The following TESMIN variants were observed in gnomAD, a reference collection of about 807,000 sequenced individuals.
TESMIN encodes the protein testis expressed metallothionein like protein.
TESMIN carries 34 observed loss-of-function variants against 47.4 expected under a neutral mutation model. That is an observed-to-expected ratio of 0.72 (90% CI 0.55 to 0.96). The LOEUF (loss-of-function observed/expected upper bound fraction) is 0.96, where lower values mean the gene tolerates loss of function less well. Among genes scored for constraint, TESMIN ranks in the 40% least tolerant of loss-of-function variants. The probability of loss-of-function intolerance (pLI) is 0.00; values close to 1 mark genes in which losing one functional copy is unlikely to be tolerated. For missense variants in TESMIN, 610 were observed against 637.2 expected, an observed-to-expected ratio of 0.96 and a Z score of 0.46; for synonymous variants, 278 against 258.9, an observed-to-expected ratio of 1.07 and a Z score of -0.71.
At chr11:68,730,031 CACG>C (rs1946308881) in intron 6 of TESMIN, among the ~76,000 whole-genome samples, 1 of 152,194 alleles carries the variant, frequency 6.6e-6, no homozygotes, top group African/African-American at 2.4e-5. Flanking sequence ...AGTCAATAGC[CACG>C]ACATTAAGGC....
At chr11:68,714,502 A>G (rs978316775) in intron 7 of TESMIN, among the ~76,000 whole-genome samples, 1 of 152,194 alleles carries the variant, frequency 6.6e-6, no homozygotes, top group Non-Finnish European at 1.5e-5. Context: ...AGAGGGCTTT[A>G]GGTTTGCCTA....
At chr11:68,709,172 C>T (rs963175649) in intron 9 of TESMIN, among the ~76,000 whole-genome samples, 6 of 152,028 alleles carry the variant, frequency 3.9e-5, no homozygotes, top group Non-Finnish European at 5.9e-5. Context: ...CCTCTCATGG[C>T]GGGTTTGAAA....
chr11:68,728,414 C>G (rs1200802379), intron 6 of TESMIN, among the ~76,000 whole-genome samples: 1 of 152,176 alleles, frequency 6.6e-6, no homozygotes, highest in Non-Finnish European at 1.5e-5. Context: ...AAATTGGAAG[C>G]TAGCAGAGGC....
intron 6 of TESMIN, chr11:68,737,041 A>G: frequency 2.0e-6 from 2 of 985,438 alleles, no homozygotes; most frequent in Non-Finnish European, 2.4e-6. Context: ...CAGAGGCAAT[A>G]CTATTGACCA....
chr11:68,737,950 A>AAAAC (rs969537101), intron 6 of TESMIN: 117 of 983,798 alleles, frequency 1.2e-4, no homozygotes, highest in Admixed American at 4.3e-4. Flanking sequence ...AAAACAAGAA[A>AAAAC]AAACAAACAA....
At chr11:68,706,225 C>T (rs374466097), downstream of TESMIN, among the ~76,000 whole-genome samples, 2 of 152,316 alleles carry the variant, frequency 1.3e-5, no homozygotes, top group East Asian at 1.9e-4. Context: ...GTCTGTATCT[C>T]GGCTTTCACT....
At chr11:68,710,711 C>T in intron 9 of TESMIN, 163 bp downstream of exon 9, 1 of 622,892 alleles carries the variant, frequency 1.6e-6, no homozygotes, top group Non-Finnish European at 2.6e-6. Context: ...CAGTGGCCAC[C>T]CAGGATTAGC....
intron 6 of TESMIN, among the ~76,000 whole-genome samples, chr11:68,735,136 A>G (rs1303113959): frequency 2.2e-4 from 33 of 152,192 alleles, no homozygotes. Flanking sequence ...TAGAGACAGA[A>G]CAGTTACAGC....
At chr11:68,742,253 A>C in intron 5 of TESMIN, 65 bp downstream of exon 5, 1 of 985,432 alleles carries the variant, frequency 1.0e-6, no homozygotes, top group Non-Finnish European at 1.5e-6. Context: ...TTCCAACCAT[A>C]ACAATCAAAA....
At chr11:68,723,713 T>A (rs1199428567) in intron 6 of TESMIN, among the ~76,000 whole-genome samples, 7 of 152,078 alleles carry the variant, frequency 4.6e-5, no homozygotes, top group Admixed American at 4.6e-4. Context: ...TAATTATAGA[T>A]ACAGAGGTCA....
At chr11:68,716,156 C>A (rs1440667221) in intron 6 of TESMIN, among the ~76,000 whole-genome samples, 1 of 152,208 alleles carries the variant, frequency 6.6e-6, no homozygotes, top group Non-Finnish European at 1.5e-5. Flanking sequence ...TAGTTAAAAC[C>A]ATTTGTTTCA....
intron 6 of TESMIN, among the ~76,000 whole-genome samples, chr11:68,729,663 G>A (rs1322408586): frequency 6.6e-6 from 1 of 152,124 alleles, no homozygotes; most frequent in Non-Finnish European, 1.5e-5. Flanking sequence ...TGACTGAATT[G>A]TTTCATTACC....
rs978345356 is a variant in TESMIN, at chr11:68,707,859, A to G, written c.*449T>C. 6 of 456,790 alleles carry G rather than the reference A, an allele frequency of 1.3e-5. No individual in the cohort carries two copies. Among genetic ancestry groups the G allele is most frequent in the Admixed American group, 2.3e-5 (1 of 42,570 alleles). 28.3% of individuals were successfully genotyped at this position (456,790 alleles called of 1,614,324 possible). A position where few individuals can be genotyped will look rare whatever the true frequency, so the allele number is the denominator to read the frequency against. ...GCCCATCCGGAGAACTTATTTCTAA[A>G]TAATTTGAAAAACAAACAAGAAACC... On this transcript the variant is annotated 3_prime_UTR_variant, in exon 10 of 10. Transcript: ENST00000255087.
chr11:68,737,061 A>G, intron 6 of TESMIN: 1 of 985,478 alleles, frequency 1.0e-6, no homozygotes, highest in Non-Finnish European at 1.2e-6. Flanking sequence ...AGATGCCCCC[A>G]GATTACAAGA....
chr11:68,738,440 A>C, intron 6 of TESMIN: 1 of 1,237,604 alleles, frequency 8.1e-7, no homozygotes, highest in South Asian at 1.9e-5. Context: ...CCTCAGAAAC[A>C]CCAACATAGG....
chr11:68,743,217 G>A (rs1391195491), intron 4 of TESMIN, among the ~76,000 whole-genome samples: 26 of 150,192 alleles, frequency 1.7e-4, no homozygotes, highest in Admixed American at 1.7e-3. Context: ...GACATCTATT[G>A]GATACCACAG....
chr11:68,727,080 A>AT (rs1447824163), intron 6 of TESMIN, among the ~76,000 whole-genome samples: 5 of 151,928 alleles, frequency 3.3e-5, no homozygotes. Flanking sequence ...AAAAAAAAAA[A>AT]AATAATGAAA....
chr11:68,743,880 G>C (rs547088936), intron 4 of TESMIN, among the ~76,000 whole-genome samples: 2 of 152,172 alleles, frequency 1.3e-5, no homozygotes, highest in Non-Finnish European at 2.9e-5. Flanking sequence ...GGTGGGGGGA[G>C]TATGATTATA....
At chr11:68,712,541 A>T (rs1946085827) in intron 8 of TESMIN, among the ~76,000 whole-genome samples, 1 of 152,222 alleles carries the variant, frequency 6.6e-6, no homozygotes. Context: ...TTCCCCTGAT[A>T]GGGCCTAAGG....
Sources: allele counts gnomAD v4.1 joint callset (sites outside exome capture counted in the v4.1 genomes callset), GRCh38; gene constraint gnomAD v4.1.1; transcripts MANE v1.5; gene names NCBI Gene and HGNC (gene_info 2026-07-23, HGNC 2026-07-21).